The following DAGLA variants were observed in gnomAD, a reference collection of about 807,000 sequenced individuals.
DAGLA encodes the protein diacylglycerol lipase alpha.
DAGLA carries 22 observed loss-of-function variants against 102.6 expected under a neutral mutation model. The ratio of observed to expected loss-of-function variants is 0.21; its 90% CI spans 0.15 to 0.31. The LOEUF is 0.31. Ranked by LOEUF, DAGLA falls within the 10% of genes least tolerant of loss-of-function variation. DAGLA has a pLI of 1.00. For synonymous variants in DAGLA, 578 were observed against 628.9 expected (o/e 0.92, Z 1.21); for missense variants, 927 against 1,446.6 (o/e 0.64, Z 5.83).
At chr11:61,741,423 ATTTTG>A in intron 19 of DAGLA, 74 bp downstream of exon 19, 1 of 1,483,878 alleles carries the variant, frequency 6.7e-7, no homozygotes, top group Non-Finnish European at 9.1e-7. Flanking sequence ...GTGCACATGC[ATTTTG>A]TGCATGCACT....
At chr11:61,699,152 A>T (rs988850387) in intron 1 of DAGLA, among the ~76,000 whole-genome samples, 2 of 152,114 alleles carry the variant, frequency 1.3e-5, no homozygotes, top group African/African-American at 4.8e-5. Context: ...GGCCTTTCTC[A>T]GTTGGGGGGA....
chr11:61,710,049 G>A (rs981848041), intron 1 of DAGLA, among the ~76,000 whole-genome samples: 40 of 152,290 alleles, frequency 2.6e-4, no homozygotes, highest in African/African-American at 8.7e-4. Context: ...AAGAGGGGAG[G>A]CATCAGGCTA....
chr11:61,730,750 C>T (rs758193417), intron 8 of DAGLA, among the ~76,000 whole-genome samples: 2 of 152,162 alleles, frequency 1.3e-5, no homozygotes, highest in Non-Finnish European at 2.9e-5. Flanking sequence ...AGCCCCTGCC[C>T]GGAGCCCTGG....
At chr11:61,735,082 C>T (rs183776098) in intron 10 of DAGLA, 80 bp downstream of exon 10, 385 of 1,508,508 alleles carry the variant, frequency 2.6e-4, no homozygotes, top group Admixed American at 3.2e-4. Context: ...CCTTCCAGGC[C>T]GGCAGGAGCC....
intron 1 of DAGLA, among the ~76,000 whole-genome samples, chr11:61,712,830 T>A: frequency 6.6e-6 from 1 of 152,200 alleles, no homozygotes. Context: ...CTACTGTCTC[T>A]GTGTTTGTGA....
intron 1 of DAGLA, among the ~76,000 whole-genome samples, chr11:61,685,160 C>T (rs918393142): frequency 1.3e-5 from 2 of 152,058 alleles, no homozygotes; most frequent in African/African-American, 2.4e-5. Context: ...TGGAACCTCA[C>T]GGACCCAGAT....
Position 61,735,842 on chromosome 11 carries a change from C to G in DAGLA, c.1290+26C>G, listed in dbSNP as rs772635904. 6.3e-6 allele frequency: 10 copies of G among 1,583,750 alleles called. No homozygotes were observed. In the East Asian group the frequency reaches 2.1e-4, roughly 33 times the overall value. The stretch of plus-strand genomic sequence containing the variant: ...GTAACCCACGTCATGGACCCCAGGG[C>G]CCCTGGGCTTCTTTCCTGCCCTGCC... On this transcript the variant is annotated intron_variant, in intron 12 of 19. Transcript: ENST00000257215.
At position 61,728,185 on chromosome 11, in the gene DAGLA, G is replaced by A; in HGVS notation, c.669G>A (p.Ala223=). Reference sequence around the variant, plus strand: ...ACTCAGAAATCGCCTACCTCTTTGCGGAGTTCTTCCGGGACCTTGACATTG... The same window carrying A: ...ACTCAGAAATCGCCTACCTCTTTGCAGAGTTCTTCCGGGACCTTGACATTG... ...DAYSEIAYLF[A]EFFRDLDIVP... is the part of the protein sequence containing the mutation. The change falls in exon 7 of 20, where the codon GCG becomes GCA. Residue 223 remains alanine (A), a synonymous_variant. Coordinates refer to ENST00000257215, the MANE Select transcript of DAGLA (RefSeq NM_006133.3). 6.2e-7 allele frequency: 1 copy of A among 1,614,156 alleles called. No homozygotes were observed. Among genetic ancestry groups the A allele is most frequent in the South Asian group, 1.1e-5 (1 of 91,080 alleles).
chr11:61,736,138 C>A, intron 12 of DAGLA, 132 bp from the exon 13 acceptor site: 1 of 726,504 alleles, frequency 1.4e-6, no homozygotes, highest in South Asian at 1.7e-5. Context: ...CTGCCAGCCC[C>A]CACAGCTGGG....
rs1219380577 is a variant in DAGLA at position 61,720,150 on chromosome 11, C to T, written c.-6C>T. The stretch of plus-strand genomic sequence containing the variant: ...GGCCCACTGAGCCTCTGCAGAGCCA[C>T]CAGCCATGCCCGGGATCGTGGTGTT... On this transcript the variant is annotated 5_prime_UTR_variant, in exon 2 of 20. Transcript: ENST00000257215. 2.5e-6 allele frequency: 4 copies of T among 1,611,780 alleles called. No homozygotes were observed. In the African/African-American group the frequency reaches 5.3e-5, roughly 22 times the overall value.
Position 61,737,399 on chromosome 11 carries a change from G to A in DAGLA, c.1514+75G>A, listed in dbSNP as rs181205619. On this transcript the variant is annotated intron_variant, in intron 14 of 19. Coordinates refer to ENST00000257215, the MANE Select transcript of DAGLA (RefSeq NM_006133.3). ...AGGCTGAGGGTTGGCTGGTGCTAGGGGCTGGACTGGGAGTCTGACTTCTGG... is the reference window on the plus strand; with the variant it reads ...AGGCTGAGGGTTGGCTGGTGCTAGGAGCTGGACTGGGAGTCTGACTTCTGG... 3.7e-5 allele frequency: 59 copies of A among 1,583,756 alleles called. No individual in the cohort carries two copies. In the African/African-American group the frequency reaches 7.5e-4, roughly 20 times the overall value.
chr11:61,702,848 A>G (rs1337896125), intron 1 of DAGLA, among the ~76,000 whole-genome samples: 1 of 152,226 alleles, frequency 6.6e-6, no homozygotes, highest in Non-Finnish European at 1.5e-5. Context: ...CACTCACTGC[A>G]TTACCACAGG....
intron 12 of DAGLA, 51 bp from the exon 13 acceptor site, chr11:61,736,219 G>A (rs1193639010): frequency 1.3e-6 from 2 of 1,496,976 alleles, no homozygotes; most frequent in East Asian, 4.5e-5. Flanking sequence ...TGGGTTTGCT[G>A]GTCACTGGGA....
chr11:61,743,206 A>G (rs1231419093), intron 19 of DAGLA, among the ~76,000 whole-genome samples: 4 of 152,062 alleles, frequency 2.6e-5, no homozygotes, highest in Admixed American at 2.6e-4. Flanking sequence ...CTACTAAAAA[A>G]TACAAAAAAT....
intron 1 of DAGLA, among the ~76,000 whole-genome samples, chr11:61,710,516 G>A (rs940710952): frequency 1.6e-4 from 25 of 152,122 alleles, no homozygotes; most frequent in African/African-American, 4.3e-4. Flanking sequence ...CGAGAACTCT[G>A]TGGCTCAAGC....
chr11:61,726,401 C>T (rs1025119452), intron 6 of DAGLA, among the ~76,000 whole-genome samples: 1 of 152,218 alleles, frequency 6.6e-6, no homozygotes, highest in Non-Finnish European at 1.5e-5. Context: ...AGAAAAGTAG[C>T]GTTTCACCAG....
intron 9 of DAGLA, among the ~76,000 whole-genome samples, chr11:61,733,370 C>T (rs963660047): frequency 6.6e-6 from 1 of 152,206 alleles, no homozygotes; most frequent in Non-Finnish European, 1.5e-5. Context: ...CCATGCTCTC[C>T]CATTGTACAT....
intron 1 of DAGLA, among the ~76,000 whole-genome samples, chr11:61,696,194 C>T (rs1268134587): frequency 3.9e-5 from 6 of 152,326 alleles, no homozygotes; most frequent in East Asian, 1.9e-4. Context: ...CCGTCACCAG[C>T]GGTGGGCGCC....
chr11:61,737,398 G>A (rs1287562248), intron 14 of DAGLA, 74 bp downstream of exon 14: 3 of 1,583,832 alleles, frequency 1.9e-6, no homozygotes, highest in Middle Eastern at 1.7e-4. Context: ...CTGGTGCTAG[G>A]GGCTGGACTG....
Sources: allele counts gnomAD v4.1 joint callset (sites outside exome capture counted in the v4.1 genomes callset), GRCh38; gene constraint gnomAD v4.1.1; transcripts MANE v1.5; gene names NCBI Gene and HGNC (gene_info 2026-07-23, HGNC 2026-07-21).